TRIM14: variants seen among roughly 807,000 people sequenced by gnomAD.
The protein encoded by TRIM14 is tripartite motif containing 14, also known as tripartite motif-containing protein 14.
In TRIM14, 28 loss-of-function variants were observed where a neutral mutation model predicts 44.5. That is an observed-to-expected ratio of 0.63 (90% CI 0.47 to 0.86). The LOEUF is 0.86. TRIM14 is among the 40% of genes least tolerant of loss of function. The pLI, the probability that TRIM14 is intolerant of heterozygous loss-of-function variation, is 0.00. For missense variants in TRIM14, 607 were observed against 611.1 expected, an observed-to-expected ratio of 0.99 and a Z score of 0.07; for synonymous variants, 299 against 269.2, an observed-to-expected ratio of 1.11 and a Z score of -1.08.
chr9:98,073,271 CTTTTTTTTTTTTT>C (rs10606237), intron 6 of TRIM14, among the ~76,000 whole-genome samples: 14 of 57,826 alleles, frequency 2.4e-4, no homozygotes, highest in African/African-American at 3.5e-4. Context: ...TCACCATGGG[CTTTTTTTTTTTTT>C]TTTTTTTTTT....
At chr9:98,039,374 C>T in the TRIM14 span, among the ~76,000 whole-genome samples, 2 of 152,174 alleles carry the variant, frequency 1.3e-5, no homozygotes, top group African/African-American at 4.8e-5. Context: ...CTTCTAACCT[C>T]CAAGCTGTCC....
downstream of TRIM14, chr9:98,082,895 TAAC>T: frequency 6.2e-7 from 1 of 1,614,162 alleles, no homozygotes; most frequent in South Asian, 1.1e-5. Context: ...GGCACCATTC[TAAC>T]AATGGACATG....
At chr9:98,067,725 C>G (rs753768912), downstream of TRIM14, among the ~76,000 whole-genome samples, 18 of 148,106 alleles carry the variant, frequency 1.2e-4, no homozygotes, top group Non-Finnish European at 2.2e-4. Flanking sequence ...TTTTCACTTT[C>G]TTTTTTTTTT....
chr9:98,089,476 C>G (rs949621475), intron 5 of TRIM14, among the ~76,000 whole-genome samples: 4 of 152,188 alleles, frequency 2.6e-5, no homozygotes, highest in African/African-American at 9.7e-5. Flanking sequence ...TGTGCCCTGC[C>G]TCTACTTAGC....
chr9:98,114,517 G>T (rs1188480096), intron 1 of TRIM14, among the ~76,000 whole-genome samples: 3 of 152,034 alleles, frequency 2.0e-5, no homozygotes, highest in Non-Finnish European at 4.4e-5. Context: ...TGTATTTTTA[G>T]TAGAGACAGG....
chr9:98,076,954 T>A, intron 6 of TRIM14: 1 of 1,612,292 alleles, frequency 6.2e-7, no homozygotes, highest in South Asian at 1.1e-5. Flanking sequence ...GAATGTTCCA[T>A]TTTTCAAAGT....
chr9:98,081,118 G>C (rs748861337), downstream of TRIM14: 2 of 1,608,960 alleles, frequency 1.2e-6, no homozygotes. Flanking sequence ...TTCTGCTGCC[G>C]TGTGTGGAAA....
the TRIM14 span, among the ~76,000 whole-genome samples, chr9:98,063,858 A>G: frequency 5.3e-5 from 8 of 152,238 alleles, no homozygotes; most frequent in South Asian, 4.1e-4. Context: ...TTTTGTGCTA[A>G]TAAGTAGTGC....
At chr9:98,062,090 C>T in the TRIM14 span, among the ~76,000 whole-genome samples, 3 of 151,798 alleles carry the variant, frequency 2.0e-5, no homozygotes, top group East Asian at 1.9e-4. Flanking sequence ...GGCGTGGTGG[C>T]GTACTCCTGT....
At chr9:98,094,804 C>A in intron 4 of TRIM14, 63 bp downstream of exon 4, 1 of 1,546,138 alleles carries the variant, frequency 6.5e-7, no homozygotes, top group Non-Finnish European at 8.8e-7. Flanking sequence ...TCTTTGCATT[C>A]GTCTCTGGGC....
downstream of TRIM14, chr9:98,081,108 T>C: frequency 1.2e-6 from 2 of 1,612,528 alleles, no homozygotes; most frequent in Non-Finnish European, 1.7e-6. Context: ...CTCTACTCGG[T>C]TCTGCTGCCG....
Position 98,086,351 on chromosome 9 carries a change from T to C in TRIM14, c.*1119A>G, listed in dbSNP as rs1282525169. The C allele has an allele frequency of 6.6e-6, 1 of 152,260 alleles. No homozygotes were observed. Among genetic ancestry groups the C allele is most frequent in the Non-Finnish European group, 1.5e-5 (1 of 68,102 alleles). The allele number at this position is 152,260 out of a possible 1,614,324, so 9.4% of individuals were successfully genotyped here. ...GGGGTAACTTTACGCAGCTCTGCTT[T>C]CTTTCAGGACCTCAGACTCCCCAGA... is the stretch of plus-strand genomic sequence containing the variant. On this transcript the variant is annotated 3_prime_UTR_variant, in exon 6 of 6. Coordinates refer to ENST00000341469, the MANE Select transcript of TRIM14 (RefSeq NM_014788.4).
At chr9:98,043,546 A>C in the TRIM14 span, among the ~76,000 whole-genome samples, 1 of 152,092 alleles carries the variant, frequency 6.6e-6, no homozygotes, top group Non-Finnish European at 1.5e-5. Context: ...GAGAGGAAAA[A>C]GTCTGGTGTG....
At chr9:98,056,070 G>A in the TRIM14 span, among the ~76,000 whole-genome samples, 7 of 152,210 alleles carry the variant, frequency 4.6e-5, no homozygotes, top group African/African-American at 1.7e-4. Context: ...CCTGGGGCTG[G>A]GAGGTCCGGG....
intron 2 of TRIM14, among the ~76,000 whole-genome samples, chr9:98,100,803 A>AT (rs952893055): frequency 3.9e-5 from 6 of 152,240 alleles, no homozygotes; most frequent in African/African-American, 1.4e-4. Context: ...AAATTTTTGT[A>AT]TTTTTTGTAC....
At chr9:98,065,302 C>T (rs1829104551), downstream of TRIM14, among the ~76,000 whole-genome samples, 2 of 139,522 alleles carry the variant, frequency 1.4e-5, no homozygotes, top group African/African-American at 5.5e-5. Flanking sequence ...TTAGTCACTC[C>T]TGGTGCTTTT....
chr9:98,055,019 TTTTG>T, the TRIM14 span, among the ~76,000 whole-genome samples: 3 of 152,240 alleles, frequency 2.0e-5, no homozygotes, highest in South Asian at 2.1e-4. Context: ...TTTTTGGGGT[TTTTG>T]TTTGTTTGTT....
chr9:98,100,159 A>C lies in TRIM14; in HGVS notation c.309T>G (p.Asn103Lys). 6.2e-7 allele frequency: 1 copy of C among 1,613,936 alleles called. No individual in the cohort carries two copies. The highest frequency in any genetic ancestry group is 2.2e-5 in the East Asian group (1 of 44,890). Residue 103 changes from asparagine to lysine, a missense_variant, in exon 3 of 6, where the codon AAT becomes AAG. Physicochemically the swap from Asn to Lys is moderately conservative, Grantham distance 94. Transcript: ENST00000341469. ...TCAGCCAGGTTTTACTTGACTCTGC[A>C]TTAGCCTAAAAACAGAAAAACCAGT... ...IEDATEKLKANAESSKTWLKG... is the reference protein window; with the variant it reads ...IEDATEKLKAKAESSKTWLKG...
chr9:98,056,769 C>T, the TRIM14 span: 8 of 1,602,416 alleles, frequency 5.0e-6, no homozygotes, highest in South Asian at 8.9e-5. Flanking sequence ...GGCGGCCGGA[C>T]CCAGACTGGT....
Sources: allele counts gnomAD v4.1 joint callset (sites outside exome capture counted in the v4.1 genomes callset), GRCh38; gene constraint gnomAD v4.1.1; transcripts MANE v1.5; gene names NCBI Gene and HGNC (gene_info 2026-07-23, HGNC 2026-07-21).